Variants in RB1 observed in about 807,000 individuals in gnomAD.
The protein encoded by RB1 is RB transcriptional corepressor 1.
RB1 carries 18 observed loss-of-function variants against 135.4 expected under a neutral mutation model. The observed-to-expected ratio is 0.13, with a 90% CI of 0.09 to 0.20. The LOEUF is 0.20. Ranked by LOEUF, RB1 falls within the 10% of genes least tolerant of loss-of-function variation. The pLI, the probability that RB1 is intolerant of heterozygous loss-of-function variation, is 1.00. For synonymous variants in RB1, 365 were observed against 373.2 expected (o/e 0.98, Z 0.25); for missense variants, 868 against 1,110.0 (o/e 0.78, Z 3.10).
Position 48,328,133 on chromosome 13 carries a change from T to A in RB1, c.265-14466T>A. The A allele has an allele frequency of 3.4e-6, 4 of 1,165,280 alleles. No homozygotes were observed. The Middle Eastern group carries it at 5.8e-4, about 169-fold the overall frequency. 72.2% of individuals were successfully genotyped at this position (1,165,280 alleles called of 1,614,324 possible). ...GATGAGATTTTATATTCCACTCCCA[T>A]AGCTTCTGGTTATCAGAAAACCCAT... On this transcript the variant is annotated intron_variant, in intron 2 of 26. Coordinates refer to ENST00000267163, the MANE Select transcript of RB1 (RefSeq NM_000321.3).
At chr13:48,423,159 G>A (rs753809575) in intron 17 of RB1, among the ~76,000 whole-genome samples, 7 of 152,122 alleles carry the variant, frequency 4.6e-5, no homozygotes, top group Non-Finnish European at 5.9e-5. Context: ...TAAAAAGAAT[G>A]AAATATAGTG....
rs9568037 is a variant in RB1, at chr13:48,398,567, C to T, written c.1695+17124C>T. ...TTTATTATATTATTATTTTAATATACTTCATTACACTTCCCTAGAACAGAT... is the reference window on the plus strand; with the variant it reads ...TTTATTATATTATTATTTTAATATATTTCATTACACTTCCCTAGAACAGAT... On this transcript the variant is annotated intron_variant, in intron 17 of 26. Transcript: ENST00000267163. Among the ~76,000 whole-genome samples, 16 of 151,634 alleles carry T rather than the reference C, an allele frequency of 1.1e-4. 1 individual carries two copies. In the East Asian group the frequency reaches 2.7e-3, roughly 26 times the overall value.
At chr13:48,439,215 A>G (rs531112373) in intron 17 of RB1, among the ~76,000 whole-genome samples, 1 of 152,328 alleles carries the variant, frequency 6.6e-6, no homozygotes, top group African/African-American at 2.4e-5. Context: ...TAATTTCTAT[A>G]AAATACACAT....
At chr13:48,423,436 G>C (rs188055062) in intron 17 of RB1, among the ~76,000 whole-genome samples, 2 of 152,190 alleles carry the variant, frequency 1.3e-5, no homozygotes, top group African/African-American at 2.4e-5. Context: ...AAGGATTTCT[G>C]ATTTTTGAAA....
At chr13:48,474,893 T>G (rs4151619) in intron 24 of RB1, among the ~76,000 whole-genome samples, 1 of 152,076 alleles carries the variant, frequency 6.6e-6, no homozygotes, top group Non-Finnish European at 1.5e-5. Context: ...GAGCTTATAT[T>G]TTTAATTTTT....
In RB1 at chr13:48,362,909, A is replaced by G. The variant is rs1264516748; in HGVS notation, c.813A>G (p.Thr271=). ...TAGCAAAACAACTAGAAAATGATAC[A>G]AGAATTATTGAAGTTCTCTGTAAAG... ...ARIAKQLEND[T]RIIEVLCKEH... is the part of the protein sequence containing the mutation. The change falls in exon 8 of 27, where the codon ACA becomes ACG. Residue 271 remains threonine (T), a synonymous_variant. Coordinates refer to ENST00000267163, the MANE Select transcript of RB1 (RefSeq NM_000321.3). The G allele has an allele frequency of 1.2e-6, 2 of 1,613,774 alleles. No individual in the cohort carries two copies. The highest frequency in any genetic ancestry group is 1.7e-6 in the Non-Finnish European group (2 of 1,179,866).
At chr13:48,460,415 T>G (rs1439043234) in intron 20 of RB1, among the ~76,000 whole-genome samples, 1 of 152,200 alleles carries the variant, frequency 6.6e-6, no homozygotes, top group East Asian at 1.9e-4. Context: ...CAAGAGTATA[T>G]TTTAGTAACT....
chr13:48,331,962 A>G (rs1952341075), intron 2 of RB1, among the ~76,000 whole-genome samples: 2 of 152,230 alleles, frequency 1.3e-5, no homozygotes, highest in Non-Finnish European at 2.9e-5. Context: ...AATTGCATTA[A>G]GATCATGACA....
intron 17 of RB1, among the ~76,000 whole-genome samples, chr13:48,433,810 T>G (rs1322902160): frequency 6.6e-6 from 1 of 152,106 alleles, no homozygotes; most frequent in Non-Finnish European, 1.5e-5. Flanking sequence ...TCATCATCTT[T>G]GAATTAGTTT....
intron 17 of RB1, chr13:48,412,445 C>G (rs377685150): frequency 1.1e-5 from 18 of 1,573,302 alleles, no homozygotes; most frequent in African/African-American, 4.0e-5. Context: ...GTCCAATTTT[C>G]AGTTTGGAAG....
chr13:48,423,346 C>G (rs2138251518), intron 17 of RB1, among the ~76,000 whole-genome samples: 2 of 152,176 alleles, frequency 1.3e-5, no homozygotes, highest in South Asian at 4.2e-4. Flanking sequence ...GCGATCTCGG[C>G]TCACTGCAAC....
At chr13:48,443,807 AT>A (rs898855338) in intron 17 of RB1, among the ~76,000 whole-genome samples, 17 of 151,264 alleles carry the variant, frequency 1.1e-4, no homozygotes, top group South Asian at 2.1e-4. Context: ...GCTTATATAC[AT>A]TTTTTTTTCT....
At chr13:48,311,455 A>G (rs1032461370) in intron 2 of RB1, among the ~76,000 whole-genome samples, 5 of 152,218 alleles carry the variant, frequency 3.3e-5, no homozygotes, top group African/African-American at 7.2e-5. Context: ...TGACACACCT[A>G]TGCTGTGTGG....
chr13:48,420,937 T>C (rs1239522882), intron 17 of RB1, among the ~76,000 whole-genome samples: 1 of 152,178 alleles, frequency 6.6e-6, no homozygotes, highest in Non-Finnish European at 1.5e-5. Context: ...GAAGAATCAA[T>C]CTTGTGAAAA....
Position 48,318,585 on chromosome 13 carries a change from C to T in RB1, c.264+11179C>T, listed in dbSNP as rs373830530. 5.1e-4 allele frequency: 324 copies of T among 634,824 alleles called. 2 individuals carry two copies. In the East Asian group the frequency reaches 8.8e-3, roughly 17 times the overall value. 39.3% of individuals were successfully genotyped at this position (634,824 alleles called of 1,614,324 possible). On this transcript the variant is annotated intron_variant, in intron 2 of 26. Coordinates refer to ENST00000267163, the MANE Select transcript of RB1 (RefSeq NM_000321.3). The stretch of plus-strand genomic sequence containing the variant: ...TTTGCCCTGGACGGGCAGGTCCCGC[C>T]CCTCATGGCCGGGCACGGCTCACGC...
chr13:48,366,458 C>A (rs547776455), intron 9 of RB1, among the ~76,000 whole-genome samples: 132 of 152,234 alleles, frequency 8.7e-4, no homozygotes, highest in Middle Eastern at 3.4e-3. Context: ...GGATTTCTTC[C>A]TATCACTCCT....
intron 9 of RB1, among the ~76,000 whole-genome samples, chr13:48,367,176 C>A (rs1273766305): frequency 1.4e-5 from 2 of 147,422 alleles, no homozygotes; most frequent in African/African-American, 5.0e-5. Context: ...TTTGGAAAAT[C>A]TTGGCAGTTA....
chr13:48,348,095 C>G (rs1952514342), intron 5 of RB1, among the ~76,000 whole-genome samples: 1 of 151,940 alleles, frequency 6.6e-6, no homozygotes, highest in Non-Finnish European at 1.5e-5. Flanking sequence ...TGATTCAGGA[C>G]AGCATATCAC....
At chr13:48,339,842 A>C (rs182304876) in intron 2 of RB1, among the ~76,000 whole-genome samples, 10 of 152,324 alleles carry the variant, frequency 6.6e-5, no homozygotes, top group African/African-American at 2.2e-4. Context: ...TATGATGAGA[A>C]GTGAATCCAA....
Sources: gnomAD v4.1 joint callset for allele counts (sites outside exome capture counted in the v4.1 genomes callset) on GRCh38, gnomAD v4.1.1 for gene constraint, MANE v1.5 for transcripts, NCBI Gene and HGNC (gene_info 2026-07-23, HGNC 2026-07-21) for gene names.